The following CD2 variants were observed in gnomAD, a reference collection of about 807,000 sequenced individuals.
CD2 encodes CD2 molecule.
Under a neutral mutation model 23.2 loss-of-function variants are expected in CD2, and 18 were observed. That is an observed-to-expected ratio of 0.77 (90% CI 0.54 to 1.15). The LOEUF is 1.15. CD2 is among the 50% of genes most tolerant of loss of function. The pLI is 0.00. For synonymous variants in CD2, 162 were observed against 151.9 expected (o/e 1.07, Z -0.49); for missense variants, 424 against 423.1 (o/e 1.00, Z -0.02).
At chr1:116,764,805 A>G (rs990609294) in intron 4 of CD2, 199 bp downstream of exon 4, 11 of 567,854 alleles carry the variant, frequency 1.9e-5, no homozygotes, top group African/African-American at 3.8e-5. Context: ...AGTGGTGACA[A>G]TGTGGGAGCT....
At chr1:116,763,532 G>C (rs1465368847) in intron 3 of CD2, among the ~76,000 whole-genome samples, 1 of 152,186 alleles carries the variant, frequency 6.6e-6, no homozygotes, top group East Asian at 1.9e-4. Flanking sequence ...ACAGCTCCCA[G>C]AAACACCAGT....
In CD2 at chr1:116,768,689, A is replaced by C. The variant is rs767546325; in HGVS notation, c.962A>C (p.His321Pro). ...CCTGCTCCGTCGGGCACACAAGTTC[A>C]CCAGCAGAAAGGCCCGCCCCTCCCC... is the stretch of plus-strand genomic sequence containing the variant. ...RPPAPSGTQV[H>P]QQKGPPLPRP... The change falls in exon 5 of 5, where the codon CAC becomes CCC. Residue 321 changes from histidine to proline, a missense_variant. By Grantham distance (77) the His-to-Pro change is moderately conservative. Coordinates refer to ENST00000369478, the MANE Select transcript of CD2 (RefSeq NM_001767.5). 6.2e-7 allele frequency: 1 copy of C among 1,614,076 alleles called. No homozygotes were observed. The highest frequency in any genetic ancestry group is 2.2e-5 in the East Asian group (1 of 44,866).
Position 116,768,781 on chromosome 1 carries a change from T to TA in CD2, c.*4dup, listed in dbSNP as rs773822575. 1.2e-6 allele frequency: 2 copies of TA among 1,604,348 alleles called. No homozygotes were observed. The highest frequency in any genetic ancestry group is 1.1e-5 in the South Asian group (1 of 89,562). ...AAACTCATTGTCCCCTTCCTCTAAT[T>TA]AAAAAAGATAGAAACTGTCTTTTTC... ...AENSLSPSSN[*] Residue 352 remains the stop codon, a frameshift_variant and stop_retained_variant, in exon 5 of 5, where the codon TAA becomes TAAA. Transcript: ENST00000369478. LOFTEE classifies it high-confidence loss of function.
intron 3 of CD2, among the ~76,000 whole-genome samples, chr1:116,760,962 C>T (rs1652031082): frequency 6.6e-6 from 1 of 152,204 alleles, no homozygotes; most frequent in South Asian, 2.1e-4. Context: ...GAGAGGGAAA[C>T]TGACTTGCCC....
chr1:116,756,573 C>CT (rs983435239), intron 2 of CD2, among the ~76,000 whole-genome samples: 25 of 151,498 alleles, frequency 1.7e-4, no homozygotes, highest in South Asian at 8.5e-4. Flanking sequence ...ACGACCTTTT[C>CT]TTTTTTTTTC....
intron 2 of CD2, among the ~76,000 whole-genome samples, chr1:116,759,009 C>T (rs977581405): frequency 5.9e-5 from 9 of 152,130 alleles, no homozygotes; most frequent in Non-Finnish European, 1.0e-4. Flanking sequence ...TTTGTCCATA[C>T]ACTAAAACGG....
intron 2 of CD2, among the ~76,000 whole-genome samples, chr1:116,758,634 G>A (rs932572683): frequency 1.3e-5 from 2 of 152,122 alleles, no homozygotes; most frequent in African/African-American, 2.4e-5. Context: ...CAGATCTCAG[G>A]ACTCCAAACA....
Position 116,758,736 on chromosome 1 carries a change from C to T in CD2, c.383-1666C>T, listed in dbSNP as rs558263235. On this transcript the variant is annotated intron_variant, in intron 2 of 4. Transcript: ENST00000369478. ...ATTTGGGTCACATTTAGCATTGCGG[C>T]GGAAATAATGGCTACCAGTTAGGGG... Among the ~76,000 whole-genome samples the T allele has an allele frequency of 7.7e-4, 117 of 152,214 alleles. 1 individual carries two copies. The highest frequency in any genetic ancestry group is 1.4e-3 in the Non-Finnish European group (96 of 68,016).
intron 3 of CD2, among the ~76,000 whole-genome samples, chr1:116,760,979 C>T (rs1469417468): frequency 2.0e-5 from 3 of 152,098 alleles, no homozygotes; most frequent in South Asian, 2.1e-4. Flanking sequence ...GCCCAAGGTC[C>T]CTTGGCTAGT....
chr1:116,762,295 T>C (rs1428986377), intron 3 of CD2, among the ~76,000 whole-genome samples: 1 of 151,984 alleles, frequency 6.6e-6, no homozygotes, highest in Non-Finnish European at 1.5e-5. Context: ...CTACTTTTCA[T>C]GTTTATTTTA....
At chr1:116,761,711 G>A (rs1160940207) in intron 3 of CD2, among the ~76,000 whole-genome samples, 1 of 152,164 alleles carries the variant, frequency 6.6e-6, no homozygotes, top group Non-Finnish European at 1.5e-5. Flanking sequence ...GTCATTGAAG[G>A]CATCTGAGAG....
In CD2 at chr1:116,755,654, G is replaced by T. The variant is rs112607637; in HGVS notation, c.382+703G>T. 7.4e-4 allele frequency among the ~76,000 whole-genome samples: 112 copies of T among 151,946 alleles called. 2 individuals carry two copies. Among genetic ancestry groups the T allele is most frequent in the Non-Finnish European group, 1.5e-4 (10 of 67,942 alleles). On this transcript the variant is annotated intron_variant, in intron 2 of 4. Coordinates refer to ENST00000369478, the MANE Select transcript of CD2 (RefSeq NM_001767.5). ...ATTAAATCAGATTTTTTTTGCATGC[G>T]GCCTGGGTATCATTAGGTTCTAAAG...
At chr1:116,765,252 CGGG>C (rs1439289132) in intron 4 of CD2, among the ~76,000 whole-genome samples, 3 of 152,190 alleles carry the variant, frequency 2.0e-5, no homozygotes, top group Non-Finnish European at 2.9e-5. Flanking sequence ...ATGGCCAACC[CGGG>C]GTCACTGTGG....
chr1:116,764,741 G>A (rs771811398), intron 4 of CD2, 135 bp downstream of exon 4: 45 of 678,006 alleles, frequency 6.6e-5, no homozygotes, highest in African/African-American at 5.5e-5. Context: ...TGTAGTCAGC[G>A]GTTATAGCTT....
intron 2 of CD2, among the ~76,000 whole-genome samples, chr1:116,759,606 T>C (rs1651969452): frequency 6.6e-6 from 1 of 152,202 alleles, no homozygotes; most frequent in African/African-American, 2.4e-5. Context: ...TTACCACTAA[T>C]AATGTCAGTG....
intron 3 of CD2, 63 bp downstream of exon 3, chr1:116,760,695 T>C: frequency 7.7e-7 from 1 of 1,292,968 alleles, no homozygotes; most frequent in Non-Finnish European, 1.1e-6. Flanking sequence ...AGAGGCATGC[T>C]GCTCCAGGTC....
intron 3 of CD2, among the ~76,000 whole-genome samples, chr1:116,761,980 G>A (rs1409385229): frequency 1.3e-5 from 2 of 152,070 alleles, no homozygotes. Flanking sequence ...ACAGGAGCAT[G>A]CCACCACACC....
chr1:116,766,446 A>T (rs1426511760), intron 4 of CD2, among the ~76,000 whole-genome samples: 1 of 152,216 alleles, frequency 6.6e-6, no homozygotes, highest in Admixed American at 6.5e-5. Context: ...TGCGATTTTC[A>T]GTTCTTGTTT....
In CD2 at chr1:116,768,580, C is replaced by T; in HGVS notation, c.853C>T (p.Pro285Ser). 6.2e-7 allele frequency: 1 copy of T among 1,614,142 alleles called. No homozygotes were observed. The highest frequency in any genetic ancestry group is 8.5e-7 in the Non-Finnish European group (1 of 1,180,036). ...AGCAACTTCCCAACATCCTCCTCCA[C>T]CACCTGGTCATCGTTCCCAGGCACC... ...NPATSQHPPP[P>S]PGHRSQAPSH... Residue 285 changes from proline (P) to serine (S), a missense_variant, in exon 5 of 5, where the codon CCA (proline) becomes TCA (serine). Pro to Ser is a moderately conservative substitution (Grantham distance 74). Transcript: ENST00000369478.
Sources: gnomAD v4.1 joint callset for allele counts (sites outside exome capture counted in the v4.1 genomes callset) on GRCh38, gnomAD v4.1.1 for gene constraint, MANE v1.5 for transcripts, NCBI Gene and HGNC (gene_info 2026-07-23, HGNC 2026-07-21) for gene names.